Variants in TCERG1L observed in about 807,000 individuals in gnomAD.
TCERG1L encodes transcription elongation regulator 1 like.
TCERG1L carries 37 observed loss-of-function variants against 56.3 expected under a neutral mutation model. The observed-to-expected ratio is 0.66, with a 90% CI of 0.51 to 0.87. TCERG1L has a LOEUF of 0.87. Ranked by LOEUF, TCERG1L falls within the 40% of genes least tolerant of loss-of-function variation. The probability of loss-of-function intolerance (pLI) is 0.00; values close to 1 mark genes in which losing one functional copy is unlikely to be tolerated. For synonymous variants in TCERG1L, 324 were observed against 326.3 expected, an observed-to-expected ratio of 0.99 and a Z score of 0.08; for missense variants, 799 against 774.2, an observed-to-expected ratio of 1.03 and a Z score of -0.38.
chr10:131,100,020 C>G (rs562574510), intron 10 of TCERG1L, among the ~76,000 whole-genome samples: 103 of 152,194 alleles, frequency 6.8e-4, no homozygotes, highest in Non-Finnish European at 1.1e-3. Flanking sequence ...TGTGCCGCCA[C>G]GCCCAGCTAA....
At chr10:131,295,566 A>G (rs1351891677) in intron 3 of TCERG1L, among the ~76,000 whole-genome samples, 1 of 152,248 alleles carries the variant, frequency 6.6e-6, no homozygotes, top group Non-Finnish European at 1.5e-5. Context: ...GATGTTGAAC[A>G]TTTTTAAAAA....
At chr10:131,274,698 C>T (rs1364133998) in intron 3 of TCERG1L, among the ~76,000 whole-genome samples, 1 of 152,236 alleles carries the variant, frequency 6.6e-6, no homozygotes, top group Admixed American at 6.5e-5. Context: ...TTTCCCCAAG[C>T]TTCCTCCCAG....
chr10:131,235,939 T>C (rs1330773672), intron 4 of TCERG1L, among the ~76,000 whole-genome samples: 1 of 152,188 alleles, frequency 6.6e-6, no homozygotes, highest in East Asian at 1.9e-4. Flanking sequence ...CTATAAAATG[T>C]CCTTACAAAA....
chr10:131,194,363 C>G (rs1340784115), intron 4 of TCERG1L, among the ~76,000 whole-genome samples: 1 of 152,164 alleles, frequency 6.6e-6, no homozygotes, highest in Non-Finnish European at 1.5e-5. Flanking sequence ...AAAAGGCACC[C>G]GAATTCCTCT....
rs577928035 is a variant in TCERG1L at position 131,133,139 on chromosome 10, C to A, written c.1259+1240G>T. Reference sequence around the variant, plus strand: ...GGCACCCAGCAGAGAGAAGAGTCTGCCCTGACCGCCCTGGCTGCTGGGCCT... The same window carrying A: ...GGCACCCAGCAGAGAGAAGAGTCTGACCTGACCGCCCTGGCTGCTGGGCCT... On this transcript the variant is annotated intron_variant, in intron 8 of 11. Coordinates refer to ENST00000368642, the MANE Select transcript of TCERG1L (RefSeq NM_174937.4). Among the ~76,000 whole-genome samples the A allele has an allele frequency of 3.5e-4, 54 of 152,272 alleles. No homozygotes were observed. The South Asian group carries it at 7.9e-3, about 22-fold the overall frequency.
intron 1 of TCERG1L, among the ~76,000 whole-genome samples, chr10:131,309,726 C>CTT (rs1385253220): frequency 6.8e-6 from 1 of 146,224 alleles, no homozygotes; most frequent in African/African-American, 2.5e-5. Flanking sequence ...GTATTAATTA[C>CTT]TTTTGTCGTT....
intron 4 of TCERG1L, among the ~76,000 whole-genome samples, chr10:131,174,605 G>A (rs1485715676): frequency 6.6e-6 from 1 of 152,176 alleles, no homozygotes; most frequent in Non-Finnish European, 1.5e-5. Context: ...ACTATAAATG[G>A]AGATAATTTT....
At position 131,093,109 on chromosome 10, in the gene TCERG1L, G is replaced by T; in HGVS notation, c.*53C>A. 6.3e-7 allele frequency: 1 copy of T among 1,577,100 alleles called. No homozygotes were observed. The highest frequency in any genetic ancestry group is 8.6e-7 in the Non-Finnish European group (1 of 1,160,560). ...TGTCCGTCTCCACCGTGACCCCCTC[G>T]CCCCCGGCACGCCCAGGGTCAACCC... On this transcript the variant is annotated 3_prime_UTR_variant, in exon 12 of 12. Coordinates refer to ENST00000368642, the MANE Select transcript of TCERG1L (RefSeq NM_174937.4).
chr10:131,168,205 C>T (rs1262333988), intron 4 of TCERG1L, among the ~76,000 whole-genome samples: 2 of 152,218 alleles, frequency 1.3e-5, no homozygotes, highest in Non-Finnish European at 2.9e-5. Flanking sequence ...GAAAGGATGT[C>T]CTCTGGCCCC....
chr10:131,153,460 C>T (rs905007060), intron 6 of TCERG1L, among the ~76,000 whole-genome samples: 1 of 152,130 alleles, frequency 6.6e-6, no homozygotes, highest in Non-Finnish European at 1.5e-5. Context: ...TTCCAGAGTC[C>T]TCGTGGAATG....
intron 4 of TCERG1L, among the ~76,000 whole-genome samples, chr10:131,194,418 T>G (rs1410620354): frequency 4.6e-5 from 7 of 152,338 alleles, no homozygotes; most frequent in Non-Finnish European, 5.9e-5. Context: ...CCTTTTGGAC[T>G]GTGGGTTTGT....
chr10:131,210,466 C>A (rs1161146696), intron 4 of TCERG1L, among the ~76,000 whole-genome samples: 2 of 152,196 alleles, frequency 1.3e-5, no homozygotes, highest in African/African-American at 4.8e-5. Context: ...AGGGAGACAT[C>A]CAAATGACCG....
At chr10:131,093,403 A>G (rs1051071566) in intron 11 of TCERG1L, 85 bp from the exon 12 acceptor site, 5 of 1,516,802 alleles carry the variant, frequency 3.3e-6, no homozygotes, top group Non-Finnish European at 4.5e-6. Context: ...CGCCTGAGCA[A>G]GCATCCAGCC....
At chr10:131,304,319 G>A (rs2397760) in intron 3 of TCERG1L, among the ~76,000 whole-genome samples, 64,193 of 151,806 alleles carry the variant, frequency 0.42, 14,608 homozygotes, top group East Asian at 0.6. Flanking sequence ...GAAGGACTCC[G>A]AAGCTCTTAT....
At chr10:131,244,386 G>C (rs930049049) in intron 4 of TCERG1L, among the ~76,000 whole-genome samples, 4 of 152,190 alleles carry the variant, frequency 2.6e-5, no homozygotes, top group Non-Finnish European at 4.4e-5. Flanking sequence ...GGGAGAGGGA[G>C]GTTTACGTTC....
chr10:131,150,656 G>A (rs1221972471), intron 6 of TCERG1L, among the ~76,000 whole-genome samples: 4 of 152,196 alleles, frequency 2.6e-5, no homozygotes, highest in African/African-American at 9.7e-5. Flanking sequence ...ACCAGCAAGA[G>A]CTCTGTTCTG....
chr10:131,124,811 C>T (rs1349960694), intron 8 of TCERG1L, among the ~76,000 whole-genome samples: 1 of 152,234 alleles, frequency 6.6e-6, no homozygotes, highest in South Asian at 2.1e-4. Context: ...TCTCTGAGCT[C>T]GGAACCTGGG....
chr10:131,169,107 A>T (rs550343933), intron 4 of TCERG1L, among the ~76,000 whole-genome samples: 3 of 152,214 alleles, frequency 2.0e-5, no homozygotes, highest in African/African-American at 7.2e-5. Flanking sequence ...AATTACTCCC[A>T]GAGCCCATTC....
chr10:131,130,574 G>A (rs553176361), intron 8 of TCERG1L, among the ~76,000 whole-genome samples: 206 of 152,072 alleles, frequency 1.4e-3, no homozygotes, highest in Non-Finnish European at 2.5e-3. Context: ...CTTCCTCCTC[G>A]TTCAAGTTGA....
Sources: allele counts gnomAD v4.1 joint callset (sites outside exome capture counted in the v4.1 genomes callset), GRCh38; gene constraint gnomAD v4.1.1; transcripts MANE v1.5; gene names NCBI Gene and HGNC (gene_info 2026-07-23, HGNC 2026-07-21).